STAM: variants seen among roughly 807,000 people sequenced by gnomAD.
STAM encodes the protein signal transducing adapter molecule 1.
A neutral mutation model predicts 63.4 loss-of-function variants in STAM; 16 were observed. The ratio of observed to expected loss-of-function variants is 0.25; its 90% CI spans 0.17 to 0.38. STAM has a LOEUF of 0.38. Among genes scored for constraint, STAM ranks in the 10% least tolerant of loss-of-function variants. STAM has a pLI of 1.00. For missense variants in STAM, 636 were observed against 657.1 expected (o/e 0.97, Z 0.35); for synonymous variants, 238 against 223.9 (o/e 1.06, Z -0.56).
Position 17,667,513 on chromosome 10 carries a change from T to C in STAM, c.125+6965T>C, listed in dbSNP as rs1419550163. The stretch of plus-strand genomic sequence containing the variant: ...AATTTCTTTAATTCGTTTCATTCTC[T>C]TTGCGTTCGTCATTTTTTCTTTTAT... On this transcript the variant is annotated intron_variant, in intron 2 of 13. Transcript: ENST00000377524. 2.6e-5 allele frequency among the ~76,000 whole-genome samples: 4 copies of C among 152,248 alleles called. No individual in the cohort carries two copies. The East Asian group carries it at 7.7e-4, about 29-fold the overall frequency.
chr10:17,684,594 A>T, intron 2 of STAM, 81 bp from the exon 3 acceptor site: 1 of 1,040,110 alleles, frequency 9.6e-7, no homozygotes, highest in South Asian at 1.7e-5. Context: ...TTTTTATCGT[A>T]GTCTTTTGTC....
chr10:17,649,075 T>G (rs1833634783), intron 1 of STAM, among the ~76,000 whole-genome samples: 1 of 152,218 alleles, frequency 6.6e-6, no homozygotes, highest in Non-Finnish European at 1.5e-5. Context: ...AACGTCATTT[T>G]CTGAGACGCT....
intron 11 of STAM, 108 bp downstream of exon 11, chr10:17,705,132 A>G: frequency 1.2e-6 from 1 of 847,068 alleles, no homozygotes; most frequent in East Asian, 2.5e-5. Flanking sequence ...TTGTGGAGGA[A>G]CCAACTCTCA....
chr10:17,708,293 T>C (rs1173748773), intron 12 of STAM, among the ~76,000 whole-genome samples: 2 of 152,164 alleles, frequency 1.3e-5, no homozygotes, highest in Admixed American at 1.3e-4. Flanking sequence ...AATATTTACG[T>C]CAGGCCCTTT....
rs1554830567 is a variant in STAM at position 17,714,643 on chromosome 10, A to G, written c.1486A>G (p.Thr496Ala). 1 of 1,614,056 alleles carries G rather than the reference A, an allele frequency of 6.2e-7. No individual in the cohort carries two copies. The highest frequency in any genetic ancestry group is 8.5e-7 in the Non-Finnish European group (1 of 1,180,022). Residue 496 changes from threonine (T) to alanine (A), a missense_variant, in exon 14 of 14, where the codon ACT becomes GCT. Physicochemically the swap from Thr to Ala is moderately conservative, Grantham distance 58. Around this residue, in one of 3 missense-constraint regions of STAM, gnomAD observed 532 missense variants for 536.9 expected, o/e 0.99. Transcript: ENST00000377524. The part of the protein sequence containing the change: ...ATAAAATADV[T>A]LYQNAGPNMP... Reference sequence around the variant, plus strand: ...TGCTGCTGCTGCAACTGCCGATGTCACTCTGTACCAGAATGCAGGACCTAA... The same window carrying G: ...TGCTGCTGCTGCAACTGCCGATGTCGCTCTGTACCAGAATGCAGGACCTAA...
chr10:17,670,659 C>T (rs186808888), intron 2 of STAM, among the ~76,000 whole-genome samples: 1 of 152,182 alleles, frequency 6.6e-6, no homozygotes, highest in East Asian at 1.9e-4. Flanking sequence ...TTTAGTTCAG[C>T]ATGTAGAAGT....
Position 17,693,412 on chromosome 10 carries a change from G to A in STAM, c.535+100G>A, listed in dbSNP as rs1416139673. 6.2e-6 allele frequency: 6 copies of A among 975,062 alleles called. No individual in the cohort carries two copies. The African/African-American group carries it at 8.3e-5, about 13-fold the overall frequency. 60.4% of individuals were successfully genotyped at this position (975,062 alleles called of 1,614,324 possible). A position where few individuals can be genotyped will look rare whatever the true frequency, so the allele number is the denominator to read the frequency against. On this transcript the variant is annotated intron_variant, in intron 6 of 13. Coordinates refer to ENST00000377524, the MANE Select transcript of STAM (RefSeq NM_003473.4). ...AAATAGAACTTTATAGCAAAAAGCT[G>A]AAATCTGCTTTGTTGCCCTCCTCAG...
chr10:17,664,752 G>A (rs1464447583), intron 2 of STAM, among the ~76,000 whole-genome samples: 1 of 152,260 alleles, frequency 6.6e-6, no homozygotes, highest in African/African-American at 2.4e-5. Flanking sequence ...CAGTTCAGAA[G>A]TGATTTGTGT....
At chr10:17,666,588 G>A (rs1035070042) in intron 2 of STAM, among the ~76,000 whole-genome samples, 8 of 151,672 alleles carry the variant, frequency 5.3e-5, no homozygotes, top group East Asian at 1.9e-4. Flanking sequence ...TAGTAGAGAC[G>A]GGGTTTCACC....
rs1554830599 is a variant in STAM at position 17,714,676 on chromosome 10, C to G, written c.1519C>G (p.Gln507Glu). The G allele has an allele frequency of 6.2e-7, 1 of 1,614,098 alleles. No homozygotes were observed. ...CCAGAATGCAGGACCTAATATGCCC[C>G]AGGTGCCAAACTATAACTTAACATC... is the stretch of plus-strand genomic sequence containing the variant. ...LYQNAGPNMP[Q>E]VPNYNLTSST... is the part of the protein sequence containing the mutation. Residue 507 changes from glutamine to glutamate, a missense_variant, in exon 14 of 14, where the codon CAG becomes GAG. Gln to Glu is a conservative substitution (Grantham distance 29). Around this residue, in one of 3 missense-constraint regions of STAM, gnomAD observed 532 missense variants for 536.9 expected, o/e 0.99. Transcript: ENST00000377524.
At chr10:17,705,058 C>T (rs781869999) in intron 11 of STAM, 34 bp downstream of exon 11, 3 of 1,589,014 alleles carry the variant, frequency 1.9e-6, no homozygotes, top group Non-Finnish European at 2.6e-6. Flanking sequence ...TGTTGTGTAC[C>T]TTCTTTCCTG....
rs1426655179 is a variant in STAM at position 17,716,687 on chromosome 10, T to G, written c.*1907T>G. Among the ~76,000 whole-genome samples, 2 of 152,200 alleles carry G rather than the reference T, an allele frequency of 1.3e-5. No homozygotes were observed. The highest frequency in any genetic ancestry group is 2.9e-5 in the Non-Finnish European group (2 of 68,026). On this transcript the variant is annotated 3_prime_UTR_variant, in exon 14 of 14. Transcript: ENST00000377524. ...TTCATGCTGAAAATCAATGACATAGTCTCTACTATGATTTTTGCCCTATAA... is the reference window on the plus strand; with the variant it reads ...TTCATGCTGAAAATCAATGACATAGGCTCTACTATGATTTTTGCCCTATAA...
chr10:17,705,498 TGCCA>T lies in STAM; in HGVS notation c.1056-89_1056-86del. ...AATAATGTCTACTAGTACTACTTTT[TGCCA>T]TTTTTGATATTTTGATGTATCATTA... On this transcript the variant is annotated intron_variant, in intron 11 of 13. Transcript: ENST00000377524. 4 of 1,424,504 alleles carry T rather than the reference TGCCA, an allele frequency of 2.8e-6. No homozygotes were observed. The Admixed American group carries it at 6.9e-5, about 25-fold the overall frequency. 88.2% of individuals were successfully genotyped at this position (1,424,504 alleles called of 1,614,324 possible).
At chr10:17,701,734 TC>T (rs1836007596) in intron 9 of STAM, among the ~76,000 whole-genome samples, 1 of 152,128 alleles carries the variant, frequency 6.6e-6, no homozygotes. Flanking sequence ...CCCCCTCCTC[TC>T]CCTTTTCAAT....
chr10:17,693,953 T>A (rs1835651533), intron 6 of STAM, among the ~76,000 whole-genome samples: 1 of 152,198 alleles, frequency 6.6e-6, no homozygotes. Flanking sequence ...CAACACTTGG[T>A]AGTCTTAAAG....
chr10:17,710,810 T>C (rs1359961657), intron 13 of STAM, among the ~76,000 whole-genome samples: 2 of 152,226 alleles, frequency 1.3e-5, no homozygotes, highest in Non-Finnish European at 2.9e-5. Flanking sequence ...CAATTTCAAG[T>C]GCTATATTAG....
At position 17,644,218 on chromosome 10, in the gene STAM, C is replaced by A; in HGVS notation, c.-122C>A. The stretch of plus-strand genomic sequence containing the variant: ...GGTTGGGTGAGAGGAGGAGCTGTCG[C>A]GGACCCTGTAGAGTCGGTCTCTGTT... On this transcript the variant is annotated 5_prime_UTR_variant, in exon 1 of 14. Transcript: ENST00000377524. 1 of 1,075,196 alleles carries A rather than the reference C, an allele frequency of 9.3e-7. No homozygotes were observed. Among genetic ancestry groups the A allele is most frequent in the Non-Finnish European group, 1.4e-6 (1 of 715,500 alleles). 66.6% of individuals were successfully genotyped at this position (1,075,196 alleles called of 1,614,324 possible).
At position 17,707,147 on chromosome 10, in the gene STAM, T is replaced by C. The variant is rs535284589; in HGVS notation, c.1209+1406T>C. ...GATACTGGCCGGGTGCGGTGGCTCA[T>C]ACCTGTAATCCCAGCACGTTGGGAG... On this transcript the variant is annotated intron_variant, in intron 12 of 13. Coordinates refer to ENST00000377524, the MANE Select transcript of STAM (RefSeq NM_003473.4). Among the ~76,000 whole-genome samples the C allele has an allele frequency of 4.6e-5, 7 of 152,134 alleles. No homozygotes were observed. In the East Asian group the frequency reaches 5.8e-4, roughly 13 times the overall value.
chr10:17,690,463 C>T (rs11591978), intron 5 of STAM, among the ~76,000 whole-genome samples: 14,615 of 152,112 alleles, frequency 0.096, 766 homozygotes, highest in Middle Eastern at 0.15. Context: ...ACAAGAAATA[C>T]ATATAAAGTA....
Sources: gnomAD v4.1 joint callset for allele counts (sites outside exome capture counted in the v4.1 genomes callset) on GRCh38, gnomAD v4.1.1 for gene constraint, gnomAD v4.1.1 regional missense constraint, MANE v1.5 for transcripts, NCBI Gene and HGNC (gene_info 2026-07-23, HGNC 2026-07-21) for gene names.